The following FANCD2 variants were observed in gnomAD, a reference collection of about 807,000 sequenced individuals.
The protein encoded by FANCD2 is FA complementation group D2.
A neutral mutation model predicts 192.3 loss-of-function variants in FANCD2; 131 were observed. The ratio of observed to expected loss-of-function variants is 0.68; its 90% confidence interval spans 0.59 to 0.79. The LOEUF is 0.79. Ranked by LOEUF, FANCD2 falls within the 30% of genes least tolerant of loss-of-function variation. FANCD2 has a pLI of 0.00. For missense variants in FANCD2, 1,508 were observed against 1,701.6 expected (o/e 0.89, Z 2.00); for synonymous variants, 524 against 612.5 (o/e 0.86, Z 2.13).
chr3:10,067,684 A>T (rs574215319), intron 26 of FANCD2, among the ~76,000 whole-genome samples: 3 of 152,054 alleles, frequency 2.0e-5, no homozygotes, highest in African/African-American at 7.2e-5. Flanking sequence ...TGTAATCCCA[A>T]CTACTTGGGA....
At chr3:10,054,357 A>G (rs1378727933) in intron 18 of FANCD2, among the ~76,000 whole-genome samples, 3 of 120,390 alleles carry the variant, frequency 2.5e-5, no homozygotes, top group African/African-American at 1.2e-4. Flanking sequence ...ATATACGTAT[A>G]TATATATATA....
chr3:10,081,677 G>A lies in FANCD2; in HGVS notation c.3224+213G>A, dbSNP rs984462139. 6 of 591,786 alleles carry A rather than the reference G, an allele frequency of 1.0e-5. No homozygotes were observed. The African/African-American group carries it at 1.1e-4, about 11-fold the overall frequency. 36.7% of individuals were successfully genotyped at this position (591,786 alleles called of 1,614,324 possible). On this transcript the variant is annotated intron_variant, in intron 32 of 43. Coordinates refer to ENST00000675286, the MANE Select transcript of FANCD2 (RefSeq NM_001018115.3). ...AGCCACTATGTTAACCCATTTGACA[G>A]ATTAGGTGACTTGCTGATGAGCTGA...
At chr3:10,037,823 G>A (rs978213156) in intron 7 of FANCD2, among the ~76,000 whole-genome samples, 18 of 152,084 alleles carry the variant, frequency 1.2e-4, no homozygotes, top group African/African-American at 3.9e-4. Flanking sequence ...TGGTGCAAAA[G>A]TAATTGCAGT....
intron 33 of FANCD2, among the ~76,000 whole-genome samples, chr3:10,086,211 TCCAGGGACCTACTGTCTC>T: frequency 6.6e-6 from 1 of 152,352 alleles, no homozygotes; most frequent in African/African-American, 2.4e-5. Flanking sequence ...CTCTTGATTA[TCCAGGGACCTACTGTCTC>T]CCAGCAGATT....
At chr3:10,053,546 A>G (rs1331622295) in intron 18 of FANCD2, among the ~76,000 whole-genome samples, 1 of 151,210 alleles carries the variant, frequency 6.6e-6, no homozygotes, top group East Asian at 1.9e-4. Flanking sequence ...AAATAAAATA[A>G]AATAGAATAA....
At position 10,099,009 on chromosome 3, in the gene FANCD2, A is replaced by G; in HGVS notation, c.4281+194A>G. On this transcript the variant is annotated intron_variant, in intron 43 of 43. Coordinates refer to ENST00000675286, the MANE Select transcript of FANCD2 (RefSeq NM_001018115.3). ...GAAGAAACAACGACACAATCTTAGAATCACTCCTGAGTATCTCGAGTTGTG... is the reference window on the plus strand; with the variant it reads ...GAAGAAACAACGACACAATCTTAGAGTCACTCCTGAGTATCTCGAGTTGTG... The G allele has an allele frequency of 5.6e-6, 9 of 1,613,438 alleles. No homozygotes were observed. The South Asian group carries it at 9.9e-5, about 18-fold the overall frequency.
At chr3:10,055,248 A>C (rs2087373876) in intron 18 of FANCD2, among the ~76,000 whole-genome samples, 2 of 152,180 alleles carry the variant, frequency 1.3e-5, no homozygotes, top group South Asian at 4.1e-4. Flanking sequence ...ATGTTATACA[A>C]CCATTGCCAC....
chr3:10,048,317 T>C (rs1298054872), intron 16 of FANCD2, among the ~76,000 whole-genome samples: 1 of 152,212 alleles, frequency 6.6e-6, no homozygotes, highest in Non-Finnish European at 1.5e-5. Flanking sequence ...TTTTGTTTTG[T>C]TTTGAGACGT....
At chr3:10,028,773 T>A (rs371700840) in intron 2 of FANCD2, 52 bp downstream of exon 2, 64 of 1,447,758 alleles carry the variant, frequency 4.4e-5, no homozygotes, top group Non-Finnish European at 5.6e-5. Context: ...GTGTGAGGCA[T>A]GTGAGAGATA....
rs770240360 is a variant in FANCD2, at chr3:10,035,151, CAG to C, written c.378-20_378-19del. The C allele has an allele frequency of 8.8e-6, 14 of 1,591,182 alleles. No individual in the cohort carries two copies. Among genetic ancestry groups the C allele is most frequent in the South Asian group, 4.4e-5 (4 of 90,622 alleles). On this transcript the variant is annotated intron_variant, in intron 5 of 43. Coordinates refer to ENST00000675286, the MANE Select transcript of FANCD2 (RefSeq NM_001018115.3). ...AAAACAAGGAAAGCAAAGTGGAAAA[CAG>C]ATTTCTTTTTTTTTTACAGTATGGG...
chr3:10,029,918 G>A (rs946118618), intron 2 of FANCD2, among the ~76,000 whole-genome samples: 7 of 151,892 alleles, frequency 4.6e-5, no homozygotes, highest in Middle Eastern at 3.4e-3. Context: ...CGAGTAGCTG[G>A]GATTACAGGC....
At chr3:10,072,191 A>C (rs1402559903) in intron 26 of FANCD2, among the ~76,000 whole-genome samples, 1 of 152,090 alleles carries the variant, frequency 6.6e-6, no homozygotes, top group East Asian at 1.9e-4. Flanking sequence ...GAGGTGATGG[A>C]TACCCCATTT....
In FANCD2 at chr3:10,101,665, G is replaced by A; in HGVS notation, c.*403G>A. 3.4e-6 allele frequency: 1 copy of A among 293,740 alleles called. No homozygotes were observed. The highest frequency in any genetic ancestry group is 4.8e-5 in the Admixed American group (1 of 20,892). The allele number at this position is 293,740 out of a possible 1,614,324, so 18.2% of individuals were successfully genotyped here. A position where few individuals can be genotyped will look rare whatever the true frequency, so the allele number is the denominator to read the frequency against. ...CCCAAAGTGCTGGGATTACAGGCAT[G>A]AGCCACCGCTCCCAGCCATATTTTG... On this transcript the variant is annotated 3_prime_UTR_variant, in exon 44 of 44. Transcript: ENST00000675286.
rs1694404441 is a variant in FANCD2, at chr3:10,088,868, G to A, written c.3601G>A (p.Glu1201Lys). ...CACAGAGAGCATTCTGAAGGCCATAGAGGAGATTGCTGGTGTTGGTGTCCC... is the reference window on the plus strand; with the variant it reads ...CACAGAGAGCATTCTGAAGGCCATAAAGGAGATTGCTGGTGTTGGTGTCCC... ...EHTESILKAI[E>K]EIAGVGVPEL... Residue 1201 changes from glutamate (E) to lysine (K), a missense_variant, in exon 36 of 44, where the codon GAG becomes AAG. Physicochemically the swap from Glu to Lys is moderately conservative, Grantham distance 56. Transcript: ENST00000675286. 2 of 1,613,944 alleles carry A rather than the reference G, an allele frequency of 1.2e-6. No individual in the cohort carries two copies. Among genetic ancestry groups the A allele is most frequent in the Non-Finnish European group, 1.7e-6 (2 of 1,179,922 alleles).
intron 27 of FANCD2, 93 bp from the exon 28 acceptor site, chr3:10,073,160 G>A (rs1262993885): frequency 2.8e-6 from 3 of 1,052,634 alleles, no homozygotes; most frequent in South Asian, 2.6e-5. Context: ...CTACCTCTAG[G>A]CAGTTTCCAA....
At chr3:10,035,645 C>T (rs1217021197) in intron 6 of FANCD2, among the ~76,000 whole-genome samples, 1 of 152,102 alleles carries the variant, frequency 6.6e-6, no homozygotes, top group Non-Finnish European at 1.5e-5. Flanking sequence ...TTAAATATCT[C>T]AAGTTATACA....
At chr3:10,075,268 C>G (rs1693472145) in intron 29 of FANCD2, among the ~76,000 whole-genome samples, 1 of 151,868 alleles carries the variant, frequency 6.6e-6, no homozygotes. Flanking sequence ...ACTGCAAGCT[C>G]TGCCTCCCGG....
intron 30 of FANCD2, among the ~76,000 whole-genome samples, chr3:10,080,065 C>G (rs1487367237): frequency 6.6e-6 from 1 of 151,942 alleles, no homozygotes; most frequent in African/African-American, 2.4e-5. Flanking sequence ...CAGGTGCACG[C>G]CACCACACCC....
chr3:10,063,838 C>T lies in FANCD2; in HGVS notation c.1874C>T (p.Pro625Leu), dbSNP rs886057690. The change falls in exon 21 of 44, where the codon CCT becomes CTT. Residue 625 changes from proline (P) to leucine (L), a missense_variant. By Grantham distance (98) the Pro-to-Leu change is moderately conservative (BLOSUM62 -3). Transcript: ENST00000675286. ...QLVHSCSEQS[P>L]QASALYYDEF... ...GTTCATTCCTGCAGTGAGCAGTCTC[C>T]TCAGGCCTCTGCACTTTACTATGAT... 6.2e-7 allele frequency: 1 copy of T among 1,614,210 alleles called. No individual in the cohort carries two copies. The highest frequency in any genetic ancestry group is 2.2e-5 in the East Asian group (1 of 44,890).
Sources: gnomAD v4.1 joint callset for allele counts (sites outside exome capture counted in the v4.1 genomes callset) on GRCh38, gnomAD v4.1.1 for gene constraint, MANE v1.5 for transcripts, NCBI Gene and HGNC (gene_info 2026-07-23, HGNC 2026-07-21) for gene names.